The following AP2B1 variants were observed in gnomAD, a reference collection of about 807,000 sequenced individuals.
AP2B1 encodes the protein adaptor related protein complex 2 subunit beta 1.
In AP2B1, 23 loss-of-function variants were observed where a neutral mutation model predicts 102.0. That is an observed-to-expected ratio of 0.23 (90% CI 0.16 to 0.32). AP2B1 has a LOEUF of 0.32. Ranked by LOEUF, AP2B1 falls within the 10% of genes least tolerant of loss-of-function variation. The pLI is 1.00. For missense variants in AP2B1, 541 were observed against 1,157.4 expected (o/e 0.47, Z 7.73); for synonymous variants, 381 against 421.2 (o/e 0.90, Z 1.17).
intron 12 of AP2B1, 100 bp from the exon 13 acceptor site, chr17:35,650,430 A>T (rs1017898715): frequency 4.3e-5 from 61 of 1,412,456 alleles, no homozygotes; most frequent in Non-Finnish European, 5.4e-5. Context: ...CCCAGTCTGC[A>T]TAAATCACTA....
intron 18 of AP2B1, among the ~76,000 whole-genome samples, chr17:35,686,843 G>C (rs961251751): frequency 2.0e-5 from 3 of 152,196 alleles, no homozygotes; most frequent in Non-Finnish European, 4.4e-5. Flanking sequence ...GCAGGTGCCT[G>C]TAGTCCCAGC....
At chr17:35,675,343 A>G (rs1080352) in intron 17 of AP2B1, among the ~76,000 whole-genome samples, 131,663 of 152,280 alleles carry the variant, frequency 0.86, 57,258 homozygotes, top group East Asian at 0.97. Flanking sequence ...TTTGTCAATG[A>G]CAATTTGCAT....
intron 4 of AP2B1, among the ~76,000 whole-genome samples, chr17:35,607,337 A>G (rs1315953526): frequency 6.6e-6 from 1 of 152,206 alleles, no homozygotes; most frequent in Non-Finnish European, 1.5e-5. Flanking sequence ...CTTCTTTCTC[A>G]TGAACTTTTT....
intron 12 of AP2B1, 42 bp from the exon 13 acceptor site, chr17:35,650,488 A>G: frequency 6.2e-7 from 1 of 1,600,524 alleles, no homozygotes; most frequent in Non-Finnish European, 8.5e-7. Flanking sequence ...CTGTATGGAG[A>G]ACAGTTTCAT....
At chr17:35,621,490 G>A (rs1036428567) in intron 5 of AP2B1, 3 of 268,420 alleles carry the variant, frequency 1.1e-5, no homozygotes, top group Non-Finnish European at 1.7e-5. Context: ...TTTTGGTATA[G>A]AGGGGTAGGA....
chr17:35,671,035 T>C, intron 15 of AP2B1, 137 bp downstream of exon 15: 1 of 810,528 alleles, frequency 1.2e-6, no homozygotes, highest in Non-Finnish European at 2.0e-6. Flanking sequence ...ATATGGGTAG[T>C]AGAAAGTAGT....
chr17:35,651,079 T>TTTA, intron 13 of AP2B1: 1 of 294,480 alleles, frequency 3.4e-6, no homozygotes, highest in Non-Finnish European at 6.4e-6. Context: ...ACCTTCTAAA[T>TTTA]TGATAAAGTC....
At chr17:35,592,063 G>T (rs1331808735) in intron 1 of AP2B1, among the ~76,000 whole-genome samples, 1 of 152,102 alleles carries the variant, frequency 6.6e-6, no homozygotes, top group Non-Finnish European at 1.5e-5. Flanking sequence ...TGTACAAGTA[G>T]CACGTTTTAG....
chr17:35,658,155 G>A (rs1306115786), intron 14 of AP2B1, among the ~76,000 whole-genome samples: 2 of 151,974 alleles, frequency 1.3e-5, no homozygotes, highest in Admixed American at 6.6e-5. Flanking sequence ...TGACCTGAAC[G>A]GCATTAAAGT....
chr17:35,615,208 G>A (rs932544288), intron 5 of AP2B1, among the ~76,000 whole-genome samples: 4 of 152,158 alleles, frequency 2.6e-5, no homozygotes, highest in Non-Finnish European at 4.4e-5. Context: ...TAGAAATGTG[G>A]CTTTGAACAA....
intron 5 of AP2B1, among the ~76,000 whole-genome samples, chr17:35,609,492 G>A (rs1019051447): frequency 6.6e-6 from 1 of 151,962 alleles, no homozygotes; most frequent in South Asian, 2.1e-4. Context: ...GACTACAGGC[G>A]CCTGCCACCA....
intron 5 of AP2B1, among the ~76,000 whole-genome samples, chr17:35,622,626 A>C (rs973967329): frequency 2.0e-5 from 3 of 152,202 alleles, no homozygotes; most frequent in African/African-American, 7.2e-5. Flanking sequence ...TAATTGCTGA[A>C]GCTTGTCTCC....
At chr17:35,604,743 G>A (rs374636468) in intron 3 of AP2B1, among the ~76,000 whole-genome samples, 45 of 152,102 alleles carry the variant, frequency 3.0e-4, no homozygotes, top group African/African-American at 1.1e-3. Context: ...GGGCGACAGA[G>A]TGAGACTCTG....
At chr17:35,720,873 G>C (rs1176717061) in intron 21 of AP2B1, among the ~76,000 whole-genome samples, 6 of 151,852 alleles carry the variant, frequency 4.0e-5, no homozygotes, top group Admixed American at 6.6e-5. Context: ...GGTCTAATTT[G>C]TTCCCCTAAG....
rs572715135 is a variant in AP2B1, at chr17:35,671,678, G to C, written c.2032-76G>C. 3.5e-6 allele frequency: 5 copies of C among 1,431,514 alleles called. No homozygotes were observed. The East Asian group carries it at 1.1e-4, about 33-fold the overall frequency. The allele number at this position is 1,431,514 out of a possible 1,614,324, so 88.7% of individuals were successfully genotyped here. A position where few individuals can be genotyped will look rare whatever the true frequency, so the allele number is the denominator to read the frequency against. ...CTTATTGATTTATCAAAACTACTAA[G>C]ATATATAGCAATATTTTAAGGACTG... On this transcript the variant is annotated intron_variant, in intron 15 of 21. Coordinates refer to ENST00000610402, the MANE Select transcript of AP2B1 (RefSeq NM_001030006.2).
intron 16 of AP2B1, among the ~76,000 whole-genome samples, chr17:35,673,220 AT>A (rs200528269): frequency 6.6e-6 from 1 of 150,690 alleles, no homozygotes; most frequent in Non-Finnish European, 1.5e-5. Flanking sequence ...TTTTTATTTT[AT>A]TTTTTTTTAG....
At position 35,659,394 on chromosome 17, in the gene AP2B1, A is replaced by G. The variant is rs906931408; in HGVS notation, c.1989+1603A>G. Among the ~76,000 whole-genome samples the G allele has an allele frequency of 3.9e-5, 6 of 152,326 alleles. No individual in the cohort carries two copies. In the South Asian group the frequency reaches 6.2e-4, roughly 16 times the overall value. Reference sequence around the variant, plus strand: ...GGACCCTGCTTGACCCACTATAAACATAGAAAAAAAGAGACATGTTACTTT... The same window carrying G: ...GGACCCTGCTTGACCCACTATAAACGTAGAAAAAAAGAGACATGTTACTTT... On this transcript the variant is annotated intron_variant, in intron 14 of 21. Coordinates refer to ENST00000610402, the MANE Select transcript of AP2B1 (RefSeq NM_001030006.2).
intron 14 of AP2B1, chr17:35,659,879 G>A (rs781563954): frequency 7.5e-5 from 74 of 985,258 alleles, no homozygotes; most frequent in Non-Finnish European, 8.2e-5. Context: ...ATCCGTATGT[G>A]GTTAAATATA....
chr17:35,681,663 A>G (rs1404127878), intron 17 of AP2B1, among the ~76,000 whole-genome samples: 1 of 152,150 alleles, frequency 6.6e-6, no homozygotes, highest in East Asian at 1.9e-4. Context: ...TCAGCCTCCC[A>G]AAGTGCTGGG....
Sources: gnomAD v4.1 joint callset for allele counts (sites outside exome capture counted in the v4.1 genomes callset) on GRCh38, gnomAD v4.1.1 for gene constraint, MANE v1.5 for transcripts, NCBI Gene and HGNC (gene_info 2026-07-23, HGNC 2026-07-21) for gene names.